Variants in EPHA4 observed in about 807,000 individuals in gnomAD.
EPHA4 encodes the protein ephrin type-A receptor 4.
EPHA4 carries 19 observed loss-of-function variants against 108.3 expected under a neutral mutation model. That is an observed-to-expected ratio of 0.18 (90% CI 0.12 to 0.26). The LOEUF is 0.26. Ranked by LOEUF, EPHA4 falls within the 10% of genes least tolerant of loss-of-function variation. The probability of loss-of-function intolerance (pLI) is 1.00; values close to 1 mark genes in which losing one functional copy is unlikely to be tolerated. For missense variants in EPHA4, 917 were observed against 1,254.0 expected, an observed-to-expected ratio of 0.73 and a Z score of 4.06; for synonymous variants, 449 against 455.5, an observed-to-expected ratio of 0.99 and a Z score of 0.18.
intron 3 of EPHA4, among the ~76,000 whole-genome samples, chr2:221,522,753 T>G (rs1458164299): frequency 3.4e-5 from 1 of 29,372 alleles, no homozygotes; most frequent in African/African-American, 3.3e-4. Context: ...ATTATTATTA[T>G]TATTATTATT....
chr2:221,560,609 G>C (rs1162252485), intron 3 of EPHA4, among the ~76,000 whole-genome samples: 1 of 152,138 alleles, frequency 6.6e-6, no homozygotes, highest in Non-Finnish European at 1.5e-5. Flanking sequence ...CTATGACCTT[G>C]GGAAGAGCAC....
chr2:221,511,605 G>T (rs1692832819), intron 3 of EPHA4, among the ~76,000 whole-genome samples: 1 of 151,674 alleles, frequency 6.6e-6, no homozygotes, highest in Non-Finnish European at 1.5e-5. Context: ...TGATTCTGGG[G>T]GCTGCCAATT....
chr2:221,470,501 TA>T (rs1489136910), intron 5 of EPHA4, among the ~76,000 whole-genome samples: 1 of 151,902 alleles, frequency 6.6e-6, no homozygotes, highest in Non-Finnish European at 1.5e-5. Flanking sequence ...TCATGACCCA[TA>T]GAATGCTGAG....
intron 10 of EPHA4, 31 bp from the exon 11 acceptor site, chr2:221,443,045 C>T: frequency 3.8e-6 from 6 of 1,594,152 alleles, no homozygotes; most frequent in Non-Finnish European, 5.1e-6. Context: ...CTACGATGGA[C>T]CAGAAACACA....
chr2:221,530,194 T>G (rs1172742441), intron 3 of EPHA4, among the ~76,000 whole-genome samples: 1 of 151,958 alleles, frequency 6.6e-6, no homozygotes, highest in Non-Finnish European at 1.5e-5. Flanking sequence ...AAAAAAAAAT[T>G]GGGACAAAGC....
At chr2:221,483,332 G>A (rs749152843) in intron 4 of EPHA4, among the ~76,000 whole-genome samples, 4 of 152,076 alleles carry the variant, frequency 2.6e-5, no homozygotes, top group Non-Finnish European at 4.4e-5. Flanking sequence ...CCTTTAACTC[G>A]TGCATTCCCA....
intron 3 of EPHA4, among the ~76,000 whole-genome samples, chr2:221,505,579 C>T (rs1180762042): frequency 6.6e-6 from 1 of 152,130 alleles, no homozygotes. Flanking sequence ...CCGCCTCGGC[C>T]TCCCAAAGTG....
chr2:221,512,679 C>G (rs556055464), intron 3 of EPHA4, among the ~76,000 whole-genome samples: 1 of 152,320 alleles, frequency 6.6e-6, no homozygotes, highest in Admixed American at 6.5e-5. Flanking sequence ...ATTTAATACA[C>G]GGGTCTATGC....
At chr2:221,422,404 G>A (rs545298785) in intron 17 of EPHA4, among the ~76,000 whole-genome samples, 1 of 152,320 alleles carries the variant, frequency 6.6e-6, no homozygotes, top group African/African-American at 2.4e-5. Context: ...ATTCTTAAAG[G>A]AGAAAGAATG....
chr2:221,459,937 C>T (rs1421737288), intron 5 of EPHA4, among the ~76,000 whole-genome samples: 1 of 152,142 alleles, frequency 6.6e-6, no homozygotes, highest in Non-Finnish European at 1.5e-5. Flanking sequence ...AAAGAATTGC[C>T]TGCCTGCCCT....
chr2:221,566,132 T>G (rs1574665078), intron 2 of EPHA4, among the ~76,000 whole-genome samples: 2 of 152,228 alleles, frequency 1.3e-5, no homozygotes, highest in East Asian at 3.8e-4. Flanking sequence ...TCACTTTCCC[T>G]AATTCTCATG....
chr2:221,437,953 C>T (rs539161131), intron 11 of EPHA4, among the ~76,000 whole-genome samples: 1 of 151,860 alleles, frequency 6.6e-6, no homozygotes. Context: ...AACAAGCATG[C>T]GACTTCTCTC....
intron 5 of EPHA4, among the ~76,000 whole-genome samples, chr2:221,471,668 T>G (rs1222767874): frequency 2.6e-5 from 4 of 152,158 alleles, no homozygotes. Context: ...ACAATACATC[T>G]TTACATAATA....
chr2:221,569,352 GAA>G (rs1158002575), intron 1 of EPHA4: 3 of 152,178 alleles, frequency 2.0e-5, no homozygotes, highest in Non-Finnish European at 4.4e-5. Flanking sequence ...CAAAGTTTCA[GAA>G]AGAGGGAATG....
chr2:221,464,925 AC>A (rs1020311786), intron 5 of EPHA4, among the ~76,000 whole-genome samples: 3 of 152,224 alleles, frequency 2.0e-5, no homozygotes, highest in African/African-American at 7.2e-5. Context: ...TGACACAAAA[AC>A]ATAGAACCAA....
intron 4 of EPHA4, among the ~76,000 whole-genome samples, chr2:221,483,275 C>T (rs188122642): frequency 6.6e-6 from 1 of 152,126 alleles, no homozygotes; most frequent in Admixed American, 6.5e-5. Context: ...ACAGCTGTGG[C>T]GAGATGGCAG....
intron 3 of EPHA4, among the ~76,000 whole-genome samples, chr2:221,503,073 T>C (rs1692526643): frequency 6.6e-6 from 1 of 152,134 alleles, no homozygotes; most frequent in African/African-American, 2.4e-5. Context: ...AGCCCAGCTT[T>C]CTCACATCAA....
At chr2:221,557,583 T>C (rs1314211760) in intron 3 of EPHA4, among the ~76,000 whole-genome samples, 2 of 152,224 alleles carry the variant, frequency 1.3e-5, no homozygotes, top group African/African-American at 4.8e-5. Flanking sequence ...ATTAAGTGGC[T>C]CAACTCCAAA....
chr2:221,525,870 G>A (rs1209546929), intron 3 of EPHA4, among the ~76,000 whole-genome samples: 1 of 152,144 alleles, frequency 6.6e-6, no homozygotes, highest in Non-Finnish European at 1.5e-5. Flanking sequence ...TCTCCAGAGT[G>A]ATAGAAATAA....
Sources: allele counts gnomAD v4.1 joint callset (sites outside exome capture counted in the v4.1 genomes callset), GRCh38; gene constraint gnomAD v4.1.1; transcripts MANE v1.5; gene names NCBI Gene and HGNC (gene_info 2026-07-23, HGNC 2026-07-21).